SLC12A8: variants seen among roughly 807,000 people sequenced by gnomAD.
SLC12A8 encodes the protein solute carrier family 12 member 8.
Under a neutral mutation model 75.6 loss-of-function variants are expected in SLC12A8, and 69 were observed. That is an observed-to-expected ratio of 0.91 (90% CI 0.75 to 1.11). The LOEUF is 1.11. Among genes scored for constraint, SLC12A8 ranks in the 50% most tolerant of loss-of-function variants. SLC12A8 has a pLI of 0.00. For synonymous variants in SLC12A8, 365 were observed against 372.8 expected, an observed-to-expected ratio of 0.98 and a Z score of 0.24; for missense variants, 877 against 896.7, an observed-to-expected ratio of 0.98 and a Z score of 0.28.
At chr3:125,179,624 A>C (rs1351004517) in intron 4 of SLC12A8, among the ~76,000 whole-genome samples, 2 of 152,194 alleles carry the variant, frequency 1.3e-5, no homozygotes, top group Admixed American at 1.3e-4. Context: ...TTATTCCAGC[A>C]TCCCATAGTG....
At chr3:125,123,217 A>C (rs1322674785) in intron 6 of SLC12A8, among the ~76,000 whole-genome samples, 1 of 152,096 alleles carries the variant, frequency 6.6e-6, no homozygotes, top group Non-Finnish European at 1.5e-5. Flanking sequence ...TCTACTAAAA[A>C]TGCAAAAAGT....
intron 6 of SLC12A8, among the ~76,000 whole-genome samples, chr3:125,125,623 C>G (rs913838298): frequency 6.6e-6 from 1 of 152,070 alleles, no homozygotes; most frequent in African/African-American, 2.4e-5. Context: ...CTAGGTGATA[C>G]CCTAGCGATC....
chr3:125,192,067 C>T (rs948088320), intron 2 of SLC12A8, among the ~76,000 whole-genome samples: 3 of 152,108 alleles, frequency 2.0e-5, no homozygotes, highest in Admixed American at 2.0e-4. Flanking sequence ...CCAGGATCCT[C>T]ATCTCGAAAT....
chr3:125,105,636 T>G (rs544709345), intron 10 of SLC12A8, among the ~76,000 whole-genome samples: 3 of 152,338 alleles, frequency 2.0e-5, no homozygotes, highest in African/African-American at 7.2e-5. Flanking sequence ...CAATATTTAC[T>G]TAGTCATGAT....
chr3:125,206,437 G>C (rs993684724), intron 2 of SLC12A8, among the ~76,000 whole-genome samples: 1 of 152,134 alleles, frequency 6.6e-6, no homozygotes, highest in Non-Finnish European at 1.5e-5. Flanking sequence ...AAATGGACTA[G>C]GCCAGAAGAT....
intron 2 of SLC12A8, among the ~76,000 whole-genome samples, chr3:125,203,088 C>CA (rs758212012): frequency 0.28 from 25,188 of 88,432 alleles, 4,210 homozygotes; most frequent in South Asian, 0.4. Flanking sequence ...GACTTCATCT[C>CA]AAAAAAAAAA....
chr3:125,101,770 T>C (rs1426105392), intron 10 of SLC12A8, among the ~76,000 whole-genome samples: 2 of 152,268 alleles, frequency 1.3e-5, no homozygotes, highest in African/African-American at 4.8e-5. Flanking sequence ...TATTATTTTA[T>C]AGCATCTGGT....
intron 10 of SLC12A8, among the ~76,000 whole-genome samples, chr3:125,097,169 A>G (rs1938736032): frequency 6.6e-6 from 1 of 152,050 alleles, no homozygotes; most frequent in Admixed American, 6.6e-5. Context: ...GGTGCATCAC[A>G]AGGTCAAGAG....
intron 5 of SLC12A8, among the ~76,000 whole-genome samples, chr3:125,143,801 C>A (rs1198864069): frequency 1.3e-5 from 2 of 152,166 alleles, no homozygotes; most frequent in African/African-American, 2.4e-5. Flanking sequence ...GATGTCAGGG[C>A]AGCCTCCCTG....
intron 10 of SLC12A8, among the ~76,000 whole-genome samples, chr3:125,098,554 CCACACACACACACA>C (rs3222429): frequency 4.2e-5 from 6 of 144,022 alleles, no homozygotes; most frequent in African/African-American, 1.0e-4. Flanking sequence ...TGAATCTTCT[CCACACACACACACA>C]CACACACACA....
At chr3:125,154,356 G>A (rs1934000129) in intron 5 of SLC12A8, among the ~76,000 whole-genome samples, 2 of 152,178 alleles carry the variant, frequency 1.3e-5, no homozygotes, top group Admixed American at 1.3e-4. Flanking sequence ...GGACCCTGAG[G>A]TCAGAAGCCA....
In SLC12A8 at chr3:125,122,917, A is replaced by T. The variant is rs6802462; in HGVS notation, c.737-2231T>A. Among the ~76,000 whole-genome samples, 1,196 of 152,368 alleles carry T rather than the reference A, an allele frequency of 7.8e-3. 11 individuals are homozygous for T. Among genetic ancestry groups the T allele is most frequent in the African/African-American group, 0.027 (1,135 of 41,580 alleles). On this transcript the variant is annotated intron_variant, in intron 6 of 13. Transcript: ENST00000469902. Reference sequence around the variant, plus strand: ...GTAGCTCCAGGTACATCCAAGAAGAATATTCTATCTATAAAACAAGGTGCT... The same window carrying T: ...GTAGCTCCAGGTACATCCAAGAAGATTATTCTATCTATAAAACAAGGTGCT...
At chr3:125,099,676 C>T (rs2107736777) in intron 10 of SLC12A8, among the ~76,000 whole-genome samples, 1 of 152,278 alleles carries the variant, frequency 6.6e-6, no homozygotes, top group African/African-American at 2.4e-5. Flanking sequence ...TGCCTGTAAT[C>T]CCAGCACTTT....
intron 10 of SLC12A8, among the ~76,000 whole-genome samples, chr3:125,093,931 C>T (rs527498249): frequency 1.3e-5 from 2 of 152,322 alleles, no homozygotes; most frequent in African/African-American, 4.8e-5. Flanking sequence ...ATTTCAGCCC[C>T]TGGTTCACCA....
chr3:125,160,506 G>T (rs540784581), intron 5 of SLC12A8, among the ~76,000 whole-genome samples: 5 of 152,174 alleles, frequency 3.3e-5, no homozygotes, highest in African/African-American at 1.2e-4. Flanking sequence ...CCATCCAAAG[G>T]TCCACAAGTC....
chr3:125,165,854 C>T (rs1207668252), intron 5 of SLC12A8, among the ~76,000 whole-genome samples: 3 of 152,196 alleles, frequency 2.0e-5, no homozygotes, highest in African/African-American at 7.2e-5. Flanking sequence ...GCCAGAACAT[C>T]CATGTGTTCC....
intron 5 of SLC12A8, among the ~76,000 whole-genome samples, chr3:125,177,449 T>C (rs1579526338): frequency 6.6e-6 from 1 of 152,038 alleles, no homozygotes; most frequent in East Asian, 1.9e-4. Flanking sequence ...GTTGTGCACA[T>C]GTTATCCTAA....
intron 10 of SLC12A8, among the ~76,000 whole-genome samples, chr3:125,099,979 C>G (rs1938825734): frequency 6.6e-6 from 1 of 152,106 alleles, no homozygotes; most frequent in African/African-American, 2.4e-5. Flanking sequence ...CAAATGAAAA[C>G]TCTACAGTTA....
chr3:125,157,913 T>G (rs16836571), intron 5 of SLC12A8, among the ~76,000 whole-genome samples: 19,942 of 152,106 alleles, frequency 0.13, 2,886 homozygotes, highest in African/African-American at 0.36. Context: ...CTAGCTTTGG[T>G]TCTGCACATA....
Sources: gnomAD v4.1 joint callset for allele counts (sites outside exome capture counted in the v4.1 genomes callset) on GRCh38, gnomAD v4.1.1 for gene constraint, MANE v1.5 for transcripts, NCBI Gene and HGNC (gene_info 2026-07-23, HGNC 2026-07-21) for gene names.